Variants in BMP2K observed in about 807,000 individuals in gnomAD.
BMP2K encodes BMP-2-inducible protein kinase.
In BMP2K, 74 loss-of-function variants were observed where a neutral mutation model predicts 116.0. The ratio of observed to expected loss-of-function variants is 0.64; its 90% CI spans 0.53 to 0.77. BMP2K has a LOEUF of 0.77. BMP2K is among the 30% of genes least tolerant of loss of function. BMP2K has a pLI of 0.00. For synonymous variants in BMP2K, 486 were observed against 502.5 expected (o/e 0.97, Z 0.44); for missense variants, 1,365 against 1,403.6 (o/e 0.97, Z 0.44).
chr4:78,877,907 G>C (rs529068606), intron 13 of BMP2K, among the ~76,000 whole-genome samples: 214 of 152,234 alleles, frequency 1.4e-3, no homozygotes, highest in Non-Finnish European at 2.5e-3. Context: ...ACCATCATAT[G>C]TATGGTCCAT....
At chr4:78,860,055 T>G (rs1399932525) in intron 8 of BMP2K, 1 of 516,292 alleles carries the variant, frequency 1.9e-6, no homozygotes, top group African/African-American at 1.9e-5. Flanking sequence ...AAACAATTAC[T>G]GAGACACGGA....
intron 10 of BMP2K, among the ~76,000 whole-genome samples, chr4:78,868,631 T>C (rs1408502061): frequency 3.3e-5 from 5 of 152,186 alleles, no homozygotes; most frequent in Admixed American, 6.5e-5. Context: ...AGCAAGCTAG[T>C]TACTTCATAG....
chr4:78,844,949 G>A lies in BMP2K; in HGVS notation c.568G>A (p.Asp190Asn), dbSNP rs776039499. ...TAAGGTAGAAAATATTTTGTTGAATGATGGTGGGAACTATGTACTTTGTGA... is the reference window on the plus strand; with the variant it reads ...TAAGGTAGAAAATATTTTGTTGAATAATGGTGGGAACTATGTACTTTGTGA... Reference protein sequence around the residue: ...DLKVENILLNDGGNYVLCDFG... With the variant: ...DLKVENILLNNGGNYVLCDFG... Residue 190 changes from aspartate to asparagine, a missense_variant, in exon 5 of 16, where the codon GAT becomes AAT. By Grantham distance (23) the Asp-to-Asn change is conservative (BLOSUM62 1). This residue lies in a region of BMP2K where 762 missense variants were observed against 756.7 expected (regional missense o/e 1.01). Coordinates refer to ENST00000502613, the MANE Select transcript of BMP2K (RefSeq NM_198892.2). The A allele has an allele frequency of 6.3e-7, 1 of 1,596,574 alleles. No individual in the cohort carries two copies. The highest frequency in any genetic ancestry group is 8.6e-7 in the Non-Finnish European group (1 of 1,166,496).
chr4:78,865,859 T>G, intron 10 of BMP2K, 139 bp downstream of exon 10: 1 of 817,156 alleles, frequency 1.2e-6, no homozygotes, highest in Non-Finnish European at 1.9e-6. Flanking sequence ...TATTGATGTC[T>G]AATAAATTCA....
Position 78,776,517 on chromosome 4 carries a change from T to G in BMP2K, c.-27T>G. On this transcript the variant is annotated 5_prime_UTR_variant, in exon 1 of 16. Transcript: ENST00000502613. ...CGGGGACTTGCCCTTGCACGCTCCC[T>G]GCGCCCTCCAGCTCGCCGGCGGGAC... is the stretch of plus-strand genomic sequence containing the variant. 1.8e-6 allele frequency: 2 copies of G among 1,129,124 alleles called. No homozygotes were observed. Among genetic ancestry groups the G allele is most frequent in the East Asian group, 5.0e-5 (1 of 20,098 alleles). The allele number at this position is 1,129,124 out of a possible 1,614,324, so 69.9% of individuals were successfully genotyped here.
chr4:78,895,588 G>C (rs983969517), intron 15 of BMP2K, among the ~76,000 whole-genome samples: 1 of 152,018 alleles, frequency 6.6e-6, no homozygotes, highest in Non-Finnish European at 1.5e-5. Flanking sequence ...AAAGTTGAAA[G>C]TGAGACTTGG....
intron 14 of BMP2K, among the ~76,000 whole-genome samples, chr4:78,886,877 GCCC>G (rs1039894603): frequency 2.0e-5 from 3 of 152,140 alleles, no homozygotes; most frequent in African/African-American, 7.2e-5. Context: ...TTGAGTTCAG[GCCC>G]AAAAGTTGAG....
rs772684117 is a variant in BMP2K, at chr4:78,847,232, A to G, written c.713A>G (p.Tyr238Cys). The change falls in exon 6 of 16, where the codon TAT (tyrosine) becomes TGT (cysteine). Residue 238 changes from tyrosine to cysteine, a missense_variant. This residue lies in a region of BMP2K where 762 missense variants were observed against 756.7 expected (regional missense o/e 1.01). Coordinates refer to ENST00000502613, the MANE Select transcript of BMP2K (RefSeq NM_198892.2). ...AGAGCCCCTGAAATGATCAACCTTT[A>G]TGGAGGGAAACCCATCACCACCAAG... Reference protein sequence around the residue: ...SYRAPEMINLYGGKPITTKAD... With the variant: ...SYRAPEMINLCGGKPITTKAD... The G allele has an allele frequency of 6.3e-7, 1 of 1,590,406 alleles. No homozygotes were observed. The highest frequency in any genetic ancestry group is 8.6e-7 in the Non-Finnish European group (1 of 1,167,136).
At chr4:78,819,392 TTAG>T (rs1226707918) in intron 1 of BMP2K, among the ~76,000 whole-genome samples, 2 of 152,170 alleles carry the variant, frequency 1.3e-5, no homozygotes, top group Non-Finnish European at 2.9e-5. Context: ...ACTAATTGTA[TTAG>T]TAGTAGTTAC....
At position 78,887,231 on chromosome 4, in the gene BMP2K, A is replaced by G. The variant is rs1207546219; in HGVS notation, c.2009A>G (p.His670Arg). The change falls in exon 15 of 16, where the codon CAT becomes CGT. Residue 670 changes from histidine (H) to arginine (R), a missense_variant. Around this residue, in one of 3 missense-constraint regions of BMP2K, gnomAD observed 596 missense variants for 623.2 expected, o/e 0.96. Coordinates refer to ENST00000502613, the MANE Select transcript of BMP2K (RefSeq NM_198892.2). ...DKNVDSLSAPHNHPPEDPFGS... is the reference protein window; with the variant it reads ...DKNVDSLSAPRNHPPEDPFGS... ...AATGTAGACTCACTTTCTGCTCCAC[A>G]TAACCATCCTCCAGAAGATCCTTTT... 1.9e-6 allele frequency: 3 copies of G among 1,611,924 alleles called. No individual in the cohort carries two copies. Among genetic ancestry groups the G allele is most frequent in the Non-Finnish European group, 2.5e-6 (3 of 1,179,076 alleles).
chr4:78,899,095 A>G (rs1476254992), intron 15 of BMP2K: 1 of 152,242 alleles, frequency 6.6e-6, no homozygotes, highest in Non-Finnish European at 1.5e-5. Context: ...CAGTAGTGGG[A>G]TCATGCCTAT....
At chr4:78,779,479 T>C (rs1335534725) in intron 1 of BMP2K, among the ~76,000 whole-genome samples, 1 of 152,182 alleles carries the variant, frequency 6.6e-6, no homozygotes, top group East Asian at 1.9e-4. Flanking sequence ...TGGCACTAAA[T>C]AGACCATGAA....
In BMP2K at chr4:78,909,313, G is replaced by GC. The variant is rs1734453902; in HGVS notation, c.2063-1297_2063-1296insC. Among the ~76,000 whole-genome samples, 4 of 152,136 alleles carry GC rather than the reference G, an allele frequency of 2.6e-5. 1 individual carries two copies. Among genetic ancestry groups the GC allele is most frequent in the Admixed American group, 2.6e-4 (4 of 15,270 alleles). ...GGCCTCCCAAAGTGCTGGGATTACA[G>GC]GGGTGAGCCACCGCACCCAGCCCCC... On this transcript the variant is annotated intron_variant, in intron 15 of 15. Coordinates refer to ENST00000502613, the MANE Select transcript of BMP2K (RefSeq NM_198892.2).
At chr4:78,821,818 A>G (rs1729631393) in intron 1 of BMP2K, among the ~76,000 whole-genome samples, 1 of 152,194 alleles carries the variant, frequency 6.6e-6, no homozygotes, top group South Asian at 2.1e-4. Flanking sequence ...GGATAGATAC[A>G]TTGGCTTTAT....
chr4:78,825,727 A>G (rs1354616730), intron 1 of BMP2K, among the ~76,000 whole-genome samples: 1 of 152,198 alleles, frequency 6.6e-6, no homozygotes, highest in South Asian at 2.1e-4. Context: ...GTATATACCA[A>G]ACTTTAGTAA....
chr4:78,898,388 T>C (rs1252863445), intron 15 of BMP2K, among the ~76,000 whole-genome samples: 4 of 151,994 alleles, frequency 2.6e-5, no homozygotes, highest in Non-Finnish European at 5.9e-5. Context: ...TTTTAGATTC[T>C]AGTGTATGAT....
At chr4:78,837,440 C>G (rs192713023) in intron 3 of BMP2K, among the ~76,000 whole-genome samples, 1 of 152,164 alleles carries the variant, frequency 6.6e-6, no homozygotes, top group African/African-American at 2.4e-5. Flanking sequence ...AGTGATCCAC[C>G]TGCCTCGGCC....
In BMP2K at chr4:78,776,421, TGGC is replaced by T. The variant is rs938845558; in HGVS notation, c.-120_-118del. Reference sequence around the variant, plus strand: ...CTTGGGGAGCGCGGAATGTGAGGCTTGGCGGGCCGCAGCACGCTCGGACGGGCC... The same window carrying T: ...CTTGGGGAGCGCGGAATGTGAGGCTTGGGCCGCAGCACGCTCGGACGGGCC... On this transcript the variant is annotated 5_prime_UTR_variant, in exon 1 of 16. Transcript: ENST00000502613. The T allele has an allele frequency of 3.0e-5, 30 of 984,238 alleles. No homozygotes were observed. Among genetic ancestry groups the T allele is most frequent in the South Asian group, 9.6e-5 (2 of 20,772 alleles). 61.0% of individuals were successfully genotyped at this position (984,238 alleles called of 1,614,324 possible).
At position 78,831,461 on chromosome 4, in the gene BMP2K, A is replaced by G. The variant is rs1004679326; in HGVS notation, c.298-2121A>G. ...TCTGCAGAGCATAATAAAGCAAAGT[A>G]CCACTTTTTAAAAATGTAGCACAAT... is the stretch of plus-strand genomic sequence containing the variant. On this transcript the variant is annotated intron_variant, in intron 2 of 15. Transcript: ENST00000502613. Among the ~76,000 whole-genome samples the G allele has an allele frequency of 2.6e-5, 4 of 152,214 alleles. No homozygotes were observed. In the South Asian group the frequency reaches 6.2e-4, roughly 24 times the overall value.
Sources: allele counts gnomAD v4.1 joint callset (sites outside exome capture counted in the v4.1 genomes callset), GRCh38; gene constraint gnomAD v4.1.1; regional missense constraint gnomAD v4.1.1; transcripts MANE v1.5; gene names NCBI Gene and HGNC (gene_info 2026-07-23, HGNC 2026-07-21).